MTUS1: variants seen among roughly 807,000 people sequenced by gnomAD.
MTUS1 encodes microtubule associated scaffold protein 1.
In MTUS1, 109 loss-of-function variants were observed where a neutral mutation model predicts 120.8. The ratio of observed to expected loss-of-function variants is 0.90; its 90% CI spans 0.77 to 1.06. MTUS1 has a LOEUF of 1.06. MTUS1 is among the 50% of genes least tolerant of loss of function. MTUS1 has a pLI of 0.00. For synonymous variants in MTUS1, 737 were observed against 550.5 expected (o/e 1.34, Z -4.74); for missense variants, 2,210 against 1,486.3 (o/e 1.49, Z -8.01).
At chr8:17,753,676 A>G (rs756062590) in intron 2 of MTUS1, 41 bp downstream of exon 2, 2 of 1,352,630 alleles carry the variant, frequency 1.5e-6, no homozygotes, top group Admixed American at 2.3e-5. Context: ...TTTTCTCCAC[A>G]GTTCTCTGAA....
At chr8:17,697,963 T>C (rs182590004) in intron 6 of MTUS1, among the ~76,000 whole-genome samples, 4 of 152,354 alleles carry the variant, frequency 2.6e-5, no homozygotes, top group Admixed American at 2.6e-4. Flanking sequence ...AAACTACATT[T>C]AAACCTGGTA....
chr8:17,679,095 T>C (rs1813720241), intron 7 of MTUS1, among the ~76,000 whole-genome samples: 1 of 152,042 alleles, frequency 6.6e-6, no homozygotes, highest in African/African-American at 2.4e-5. Flanking sequence ...TAAGTAGACT[T>C]GCAACAAAAG....
intron 6 of MTUS1, among the ~76,000 whole-genome samples, chr8:17,694,527 G>A (rs1204924858): frequency 6.6e-6 from 1 of 151,992 alleles, no homozygotes; most frequent in Non-Finnish European, 1.5e-5. Context: ...AATTAGCCGG[G>A]TATGGTGGTG....
chr8:17,718,081 C>T (rs943733633), intron 4 of MTUS1, among the ~76,000 whole-genome samples: 2 of 152,156 alleles, frequency 1.3e-5, no homozygotes, highest in Non-Finnish European at 2.9e-5. Flanking sequence ...TTATGACTAA[C>T]AATATCTTTC....
At chr8:17,748,236 G>T (rs2047918394) in intron 2 of MTUS1, 1 of 152,270 alleles carries the variant, frequency 6.6e-6, no homozygotes, top group Non-Finnish European at 1.5e-5. Flanking sequence ...AGGAGAGATG[G>T]CTTAGCTTTG....
At position 17,645,725 on chromosome 8, in the gene MTUS1, G is replaced by C; in HGVS notation, c.*201C>G. On this transcript the variant is annotated 3_prime_UTR_variant, in exon 15 of 15. Coordinates refer to ENST00000693296, the MANE Select transcript of MTUS1 (RefSeq NM_001363059.2). ...TCTTTTTTTAAATCTTTTTTTGGAG[G>C]AATCTTTTGGACGGAGGCAAAAGTC... is the stretch of plus-strand genomic sequence containing the variant. 3 of 563,646 alleles carry C rather than the reference G, an allele frequency of 5.3e-6. No individual in the cohort carries two copies. The highest frequency in any genetic ancestry group is 4.3e-5 in the South Asian group (1 of 23,524). 34.9% of individuals were successfully genotyped at this position (563,646 alleles called of 1,614,324 possible).
intron 1 of MTUS1, among the ~76,000 whole-genome samples, chr8:17,781,761 T>C (rs1451015499): frequency 6.6e-6 from 1 of 152,218 alleles, no homozygotes; most frequent in African/African-American, 2.4e-5. Context: ...GATCAACCTC[T>C]GGCATCAGGA....
chr8:17,678,690 C>T (rs1467021403), intron 7 of MTUS1, among the ~76,000 whole-genome samples: 1 of 149,776 alleles, frequency 6.7e-6, no homozygotes, highest in Admixed American at 6.7e-5. Context: ...AACTTTACTG[C>T]TAGTGCCATT....
chr8:17,649,416 A>G (rs1806506443), intron 13 of MTUS1, among the ~76,000 whole-genome samples: 1 of 152,180 alleles, frequency 6.6e-6, no homozygotes, highest in African/African-American at 2.4e-5. Context: ...TTTGATAAAT[A>G]GTATTGCTAT....
rs570064248 is a variant in MTUS1 at position 17,700,144 on chromosome 8, G to C, written c.2623+13070C>G. On this transcript the variant is annotated intron_variant, in intron 6 of 14. Transcript: ENST00000693296. ...AAATTTTAGTGCCTAAAGTACAACAGTTTGTAGTTGTAAAAGTTAGCTATG... is the reference window on the plus strand; with the variant it reads ...AAATTTTAGTGCCTAAAGTACAACACTTTGTAGTTGTAAAAGTTAGCTATG... Among the ~76,000 whole-genome samples, 296 of 152,182 alleles carry C rather than the reference G, an allele frequency of 1.9e-3. 5 individuals are homozygous for C. Among genetic ancestry groups the C allele is most frequent in the African/African-American group, 7.0e-3 (289 of 41,524 alleles).
At chr8:17,707,444 G>T (rs76592531) in intron 6 of MTUS1, among the ~76,000 whole-genome samples, 6,412 of 152,100 alleles carry the variant, frequency 0.042, 156 homozygotes, top group Middle Eastern at 0.065. Context: ...AAGAACCTGG[G>T]AAAGTCATGC....
chr8:17,772,287 A>G (rs192943937), intron 1 of MTUS1, among the ~76,000 whole-genome samples: 2 of 152,314 alleles, frequency 1.3e-5, no homozygotes, highest in East Asian at 3.9e-4. Flanking sequence ...TGAAACATTT[A>G]AAGATGTCCT....
intron 8 of MTUS1, among the ~76,000 whole-genome samples, chr8:17,663,129 G>C (rs189554304): frequency 6.2e-4 from 95 of 152,310 alleles, no homozygotes; most frequent in African/African-American, 2.1e-3. Flanking sequence ...ATGATATGTG[G>C]AAAATGCCCA....
chr8:17,716,771 G>C (rs1051616345), intron 4 of MTUS1, among the ~76,000 whole-genome samples: 2 of 152,280 alleles, frequency 1.3e-5, no homozygotes, highest in Admixed American at 6.5e-5. Flanking sequence ...AGGCAGGATG[G>C]TCTCGATCTC....
chr8:17,744,751 G>A (rs1230981202), intron 2 of MTUS1, among the ~76,000 whole-genome samples: 1 of 129,148 alleles, frequency 7.7e-6, no homozygotes, highest in African/African-American at 3.0e-5. Flanking sequence ...TCGCCATGTT[G>A]GTCAGGCTGG....
intron 1 of MTUS1, among the ~76,000 whole-genome samples, chr8:17,775,965 C>T (rs2050397105): frequency 6.6e-6 from 1 of 152,222 alleles, no homozygotes; most frequent in Non-Finnish European, 1.5e-5. Flanking sequence ...GTCCCATCTG[C>T]AGGCAAAGAA....
At chr8:17,721,291 T>C (rs1053643018) in intron 4 of MTUS1, among the ~76,000 whole-genome samples, 1 of 152,228 alleles carries the variant, frequency 6.6e-6, no homozygotes, top group Non-Finnish European at 1.5e-5. Context: ...CCTTTAAAAG[T>C]ATACATGTTT....
intron 7 of MTUS1, among the ~76,000 whole-genome samples, chr8:17,676,709 C>A (rs1813200852): frequency 6.6e-6 from 1 of 152,116 alleles, no homozygotes. Flanking sequence ...GACTTGTGAG[C>A]CTTTTTCTTC....
chr8:17,673,305 T>C (rs1201165028), intron 8 of MTUS1, among the ~76,000 whole-genome samples: 1 of 152,204 alleles, frequency 6.6e-6, no homozygotes, highest in African/African-American at 2.4e-5. Flanking sequence ...GAAGTTTCCA[T>C]CTGTCTTAAA....
Sources: gnomAD v4.1 joint callset for allele counts (sites outside exome capture counted in the v4.1 genomes callset) on GRCh38, gnomAD v4.1.1 for gene constraint, MANE v1.5 for transcripts, NCBI Gene and HGNC (gene_info 2026-07-23, HGNC 2026-07-21) for gene names.